The following RPH3A variants were observed in gnomAD, a reference collection of about 807,000 sequenced individuals.
RPH3A encodes the protein rabphilin-3A.
A neutral mutation model predicts 102.2 loss-of-function variants in RPH3A; 48 were observed. The ratio of observed to expected loss-of-function variants is 0.47; its 90% CI spans 0.37 to 0.60. The LOEUF (loss-of-function observed/expected upper bound fraction) is 0.60. Among genes scored for constraint, RPH3A ranks in the 20% least tolerant of loss-of-function variants. The pLI, the probability that RPH3A is intolerant of heterozygous loss-of-function variation, is 0.00. For missense variants in RPH3A, 781 were observed against 910.1 expected, an observed-to-expected ratio of 0.86 and a Z score of 1.83; for synonymous variants, 310 against 324.3, an observed-to-expected ratio of 0.96 and a Z score of 0.47.
chr12:112,754,270 C>A (rs1565870666), intron 1 of RPH3A, among the ~76,000 whole-genome samples: 1 of 152,192 alleles, frequency 6.6e-6, no homozygotes, highest in South Asian at 2.1e-4. Context: ...AAAATGAACA[C>A]CCTCTTCTGT....
In RPH3A at chr12:112,678,299, A is replaced by AGAGAGAGAGAGAG. The variant is rs1389109730; in HGVS notation, c.-140+102980_-140+102981insGAGAGAGAGAGAG. ...AAAGAAAGAAAGAAAGAAAGAAAGA[A>AGAGAGAGAGAGAG]AGAAAGAGAGAGAGAGAGAAAGAAA... On this transcript the variant is annotated intron_variant, in intron 1 of 21. Transcript: ENST00000543106. Among the ~76,000 whole-genome samples, 64 of 41,330 alleles carry AGAGAGAGAGAGAG rather than the reference A, an allele frequency of 1.5e-3. 5 individuals are homozygous for AGAGAGAGAGAGAG. Among genetic ancestry groups the AGAGAGAGAGAGAG allele is most frequent in the Non-Finnish European group, 2.3e-3 (46 of 20,330 alleles). 27.1% of individuals were successfully genotyped at this position (41,330 alleles called of 152,430 possible).
intron 1 of RPH3A, among the ~76,000 whole-genome samples, chr12:112,671,924 A>G (rs767219039): frequency 6.6e-6 from 1 of 151,660 alleles, no homozygotes; most frequent in Non-Finnish European, 1.5e-5. Context: ...ACACATACAT[A>G]CATATATATG....
chr12:112,766,600 C>A (rs746122998), intron 1 of RPH3A, among the ~76,000 whole-genome samples: 1 of 152,170 alleles, frequency 6.6e-6, no homozygotes, highest in Non-Finnish European at 1.5e-5. Context: ...CTGCAGAAGC[C>A]ACTCTAGATA....
Position 112,887,829 on chromosome 12 carries a change from A to G in RPH3A, c.1469A>G (p.His490Arg). 6.2e-7 allele frequency: 1 copy of G among 1,613,950 alleles called. No individual in the cohort carries two copies. The highest frequency in any genetic ancestry group is 1.7e-4 in the Middle Eastern group (1 of 6,060). The change falls in exon 17 of 22, where the codon CAC becomes CGC. Residue 490 changes from histidine (H) to arginine (R), a missense_variant. Physicochemically the swap from His to Arg is conservative, Grantham distance 29 (BLOSUM62 0). Coordinates refer to ENST00000389385, the MANE Select transcript of RPH3A (RefSeq NM_001143854.2). ...ISVCDEDKFG[H>R]NEFIGETRFS... ...GTCTGTGATGAGGACAAATTTGGCC[A>G]CAATGAATTTATTGGTGAGACCAGA...
At chr12:112,577,707 T>A (rs2039369486) in intron 1 of RPH3A, among the ~76,000 whole-genome samples, 1 of 151,194 alleles carries the variant, frequency 6.6e-6, no homozygotes, top group African/African-American at 2.4e-5. Context: ...CATGCCCACC[T>A]ATTTTTTTTT....
chr12:112,876,533 A>T, intron 12 of RPH3A, 109 bp from the exon 13 acceptor site: 2 of 772,758 alleles, frequency 2.6e-6, no homozygotes, highest in Non-Finnish European at 4.1e-6. Context: ...CTGCATATCC[A>T]CTGATTCCGG....
intron 1 of RPH3A, among the ~76,000 whole-genome samples, chr12:112,689,734 C>A (rs1457422010): frequency 6.6e-6 from 1 of 152,174 alleles, no homozygotes; most frequent in Non-Finnish European, 1.5e-5. Flanking sequence ...GCTGATTTTT[C>A]CCCTGGGCCA....
chr12:112,865,351 T>C lies in RPH3A; in HGVS notation c.231-63T>C, dbSNP rs1276709552. 5.7e-6 allele frequency: 9 copies of C among 1,585,142 alleles called. No individual in the cohort carries two copies. In the Admixed American group the frequency reaches 1.4e-4, roughly 24 times the overall value. On this transcript the variant is annotated intron_variant, in intron 5 of 21. Coordinates refer to ENST00000389385, the MANE Select transcript of RPH3A (RefSeq NM_001143854.2). The stretch of plus-strand genomic sequence containing the variant: ...AAGGTGAAGACTATCAACCTGACAC[T>C]GTGGGGTATGCTGGTGGTCCCCAGT...
intron 1 of RPH3A, among the ~76,000 whole-genome samples, chr12:112,748,632 G>A (rs2040764364): frequency 2.0e-5 from 3 of 152,152 alleles, no homozygotes; most frequent in Admixed American, 1.3e-4. Flanking sequence ...ACCATGCCTG[G>A]CCTGCTCCCA....
At chr12:112,619,246 C>CTG (rs60894997) in intron 1 of RPH3A, among the ~76,000 whole-genome samples, 10,627 of 125,234 alleles carry the variant, frequency 0.085, 421 homozygotes, top group Middle Eastern at 0.1. Context: ...TATGGTAATT[C>CTG]TGTGTGTGTG....
chr12:112,607,017 G>A (rs114536744), intron 1 of RPH3A, among the ~76,000 whole-genome samples: 241 of 152,230 alleles, frequency 1.6e-3, no homozygotes, highest in Middle Eastern at 0.01. Flanking sequence ...CTACTTCATA[G>A]GACCTTTAAG....
intron 1 of RPH3A, among the ~76,000 whole-genome samples, chr12:112,685,417 T>C (rs916176892): frequency 6.6e-6 from 1 of 152,172 alleles, no homozygotes; most frequent in African/African-American, 2.4e-5. Context: ...TCTCAGCCAC[T>C]GTGGCTGCTG....
intron 1 of RPH3A, among the ~76,000 whole-genome samples, chr12:112,747,670 C>T (rs1041998273): frequency 3.9e-5 from 6 of 152,146 alleles, no homozygotes; most frequent in Non-Finnish European, 5.9e-5. Flanking sequence ...GGTCTGTGCC[C>T]CCATAGCACC....
intron 14 of RPH3A, among the ~76,000 whole-genome samples, chr12:112,880,397 TG>T (rs1186450012): frequency 1.3e-5 from 2 of 152,266 alleles, no homozygotes; most frequent in Non-Finnish European, 2.9e-5. Flanking sequence ...TACATTATTT[TG>T]TTTCCTTTTT....
intron 1 of RPH3A, among the ~76,000 whole-genome samples, chr12:112,620,835 A>AT (rs1480796887): frequency 6.6e-6 from 1 of 151,846 alleles, no homozygotes; most frequent in Non-Finnish European, 1.5e-5. Context: ...CCTACTCCAC[A>AT]TCCAATTCAT....
At chr12:112,718,302 A>G (rs1315522449) in intron 1 of RPH3A, among the ~76,000 whole-genome samples, 1 of 152,218 alleles carries the variant, frequency 6.6e-6, no homozygotes. Context: ...TTAAATCCAT[A>G]TTTGGATTAT....
chr12:112,867,451 A>G (rs140714381), intron 7 of RPH3A, among the ~76,000 whole-genome samples: 1 of 152,164 alleles, frequency 6.6e-6, no homozygotes, highest in East Asian at 1.9e-4. Flanking sequence ...TGTTCTCCTC[A>G]GTTTCTGTCA....
upstream of RPH3A, among the ~76,000 whole-genome samples, chr12:112,787,124 A>G (rs77672848): frequency 0.028 from 4,206 of 152,120 alleles, 202 homozygotes; most frequent in African/African-American, 0.096. Flanking sequence ...CCTCCCTCCT[A>G]TAAGGACCCT....
At chr12:112,611,323 C>T (rs575732884) in intron 1 of RPH3A, among the ~76,000 whole-genome samples, 2 of 152,318 alleles carry the variant, frequency 1.3e-5, no homozygotes, top group African/African-American at 4.8e-5. Flanking sequence ...TAACCACCAC[C>T]ACGACTGATG....
Sources: gnomAD v4.1 joint callset for allele counts (sites outside exome capture counted in the v4.1 genomes callset) on GRCh38, gnomAD v4.1.1 for gene constraint, MANE v1.5 for transcripts, NCBI Gene and HGNC (gene_info 2026-07-23, HGNC 2026-07-21) for gene names.